MLLT3: variants seen among roughly 807,000 people sequenced by gnomAD.
The protein encoded by MLLT3 is protein AF-9.
MLLT3 carries 4 observed loss-of-function variants against 53.2 expected under a neutral mutation model. That is an observed-to-expected ratio of 0.08 (90% CI 0.04 to 0.17). The LOEUF (loss-of-function observed/expected upper bound fraction) is 0.17. MLLT3 is among the 10% of genes least tolerant of loss of function. MLLT3 has a pLI of 1.00. For missense variants in MLLT3, 569 were observed against 684.0 expected, an observed-to-expected ratio of 0.83 and a Z score of 1.87; for synonymous variants, 283 against 230.6, an observed-to-expected ratio of 1.23 and a Z score of -2.06.
intron 4 of MLLT3, among the ~76,000 whole-genome samples, chr9:20,431,121 C>T (rs768884502): frequency 6.6e-6 from 1 of 152,094 alleles, no homozygotes; most frequent in Non-Finnish European, 1.5e-5. Flanking sequence ...CTCTAAATTG[C>T]TATAACTATT....
At chr9:20,479,211 TTTGTTG>T (rs1824602107) in intron 2 of MLLT3, among the ~76,000 whole-genome samples, 2 of 152,126 alleles carry the variant, frequency 1.3e-5, no homozygotes, top group Non-Finnish European at 2.9e-5. Flanking sequence ...TGTTTTTGTT[TTTGTTG>T]TTGAGGGGGT....
intron 2 of MLLT3, among the ~76,000 whole-genome samples, chr9:20,491,265 T>C (rs766467871): frequency 4.6e-5 from 7 of 152,040 alleles, no homozygotes; most frequent in South Asian, 2.1e-4. Flanking sequence ...TTAATTCTTA[T>C]CCACAAAACC....
rs564428964 is a variant in MLLT3 at position 20,570,336 on chromosome 9, TAAAC to T, written c.193+50314_193+50317del. Among the ~76,000 whole-genome samples, 80 of 152,314 alleles carry T rather than the reference TAAAC, an allele frequency of 5.3e-4. 1 individual carries two copies. The South Asian group carries it at 5.6e-3, about 11-fold the overall frequency. On this transcript the variant is annotated intron_variant, in intron 2 of 10. Transcript: ENST00000380338. ...GTCAGCATTACTAGCATGGTAGTAA[TAAAC>T]AACAACAGCAGAGTCAAAGTACTGT...
chr9:20,376,608 A>C (rs1821771856), intron 5 of MLLT3, among the ~76,000 whole-genome samples: 1 of 152,164 alleles, frequency 6.6e-6, no homozygotes, highest in Non-Finnish European at 1.5e-5. Context: ...AGAAAATGTC[A>C]TTAGGAAATA....
Position 20,448,163 on chromosome 9 carries a change from G to A in MLLT3, c.380C>T (p.Pro127Leu), listed in dbSNP as rs1443528335. 1 of 1,613,520 alleles carries A rather than the reference G, an allele frequency of 6.2e-7. No homozygotes were observed. The highest frequency in any genetic ancestry group is 8.5e-7 in the Non-Finnish European group (1 of 1,179,728). The change falls in exon 4 of 11, where the codon CCC (proline) becomes CTC (leucine). Residue 127 changes from proline to leucine, a missense_variant. By Grantham distance (98) the Pro-to-Leu change is moderately conservative (BLOSUM62 -3). Coordinates refer to ENST00000380338, the MANE Select transcript of MLLT3 (RefSeq NM_004529.4). This position sits in a 1 kb window ranked among gnomAD's most constrained non-coding sequence, Gnocchi z 4.0. The part of the protein sequence containing the change: ...LRCEKLTFNN[P>L]TEDFRRKLLK... ...CAACTTTCTCCTAAAGTCCTCTGTGGGGTTGTTGAAAGTTAGCTTTTCACA... is the reference window on the plus strand; with the variant it reads ...CAACTTTCTCCTAAAGTCCTCTGTGAGGTTGTTGAAAGTTAGCTTTTCACA...
chr9:20,441,191 T>C (rs1235329675), intron 4 of MLLT3, among the ~76,000 whole-genome samples: 6 of 152,062 alleles, frequency 3.9e-5, no homozygotes, highest in Admixed American at 3.9e-4. Flanking sequence ...GGTAAACAGG[T>C]AGTTGGGAAG....
At chr9:20,606,355 ATGG>A (rs1227334681) in intron 2 of MLLT3, among the ~76,000 whole-genome samples, 1 of 151,914 alleles carries the variant, frequency 6.6e-6, no homozygotes, top group Non-Finnish European at 1.5e-5. Context: ...TCATGAGTGG[ATGG>A]GGGAGGAAAA....
intron 2 of MLLT3, among the ~76,000 whole-genome samples, chr9:20,520,177 AAC>A (rs1173433415): frequency 6.6e-6 from 1 of 152,134 alleles, no homozygotes; most frequent in Non-Finnish European, 1.5e-5. Context: ...AGAGGGGAAC[AAC>A]ACACACTGGG....
intron 2 of MLLT3, among the ~76,000 whole-genome samples, chr9:20,557,171 T>G (rs1819082191): frequency 6.6e-6 from 1 of 151,800 alleles, no homozygotes; most frequent in African/African-American, 2.4e-5. Flanking sequence ...ACAGACCCAG[T>G]CCTCCTCAAA....
intron 2 of MLLT3, among the ~76,000 whole-genome samples, chr9:20,515,279 T>A (rs1448936184): frequency 6.6e-6 from 1 of 152,124 alleles, no homozygotes; most frequent in Middle Eastern, 3.2e-3. Context: ...GCTCCAATTG[T>A]TTATAATAAA....
intron 9 of MLLT3, among the ~76,000 whole-genome samples, chr9:20,354,086 T>A (rs1269276177): frequency 2.0e-5 from 3 of 152,222 alleles, no homozygotes; most frequent in African/African-American, 7.2e-5. Context: ...TTGTTTTGTT[T>A]TTGTTTTAAA....
At chr9:20,536,751 T>C (rs1818497185) in intron 2 of MLLT3, among the ~76,000 whole-genome samples, 1 of 152,140 alleles carries the variant, frequency 6.6e-6, no homozygotes, top group African/African-American at 2.4e-5. Flanking sequence ...ACTGTGTGCA[T>C]CTTTTAAAAA....
At chr9:20,348,301 T>G (rs184132386) in intron 10 of MLLT3, among the ~76,000 whole-genome samples, 1 of 152,350 alleles carries the variant, frequency 6.6e-6, no homozygotes, top group African/African-American at 2.4e-5. Flanking sequence ...CCAGACCTAC[T>G]TGCAGCACTT....
At chr9:20,443,196 A>AT (rs1823597162) in intron 4 of MLLT3, among the ~76,000 whole-genome samples, 1 of 152,132 alleles carries the variant, frequency 6.6e-6, no homozygotes, top group Non-Finnish European at 1.5e-5. Flanking sequence ...CCACCATCCC[A>AT]TAAAAAACAA....
chr9:20,584,304 T>A (rs1024179371), intron 2 of MLLT3, among the ~76,000 whole-genome samples: 2 of 152,216 alleles, frequency 1.3e-5, no homozygotes, highest in African/African-American at 4.8e-5. Flanking sequence ...AACAAGTCTC[T>A]AGGAAGTTCC....
chr9:20,425,173 A>G (rs1823112119), intron 4 of MLLT3, among the ~76,000 whole-genome samples: 1 of 152,154 alleles, frequency 6.6e-6, no homozygotes, highest in South Asian at 2.1e-4. Flanking sequence ...AACATCTAGA[A>G]AGTTATAAAG....
At chr9:20,494,634 A>T (rs1825031871) in intron 2 of MLLT3, among the ~76,000 whole-genome samples, 1 of 146,104 alleles carries the variant, frequency 6.8e-6, no homozygotes, top group Non-Finnish European at 1.5e-5. Flanking sequence ...TCAGGCTGCC[A>T]CTTTAAAAGG....
chr9:20,587,264 G>T (rs1413571761), intron 2 of MLLT3, among the ~76,000 whole-genome samples: 1 of 148,398 alleles, frequency 6.7e-6, no homozygotes, highest in Non-Finnish European at 1.5e-5. Context: ...AAGACACAAA[G>T]CAGATAAAAA....
rs370875436 is a variant in MLLT3, at chr9:20,542,657, C to T, written c.193+77997G>A. On this transcript the variant is annotated intron_variant, in intron 2 of 10. Coordinates refer to ENST00000380338, the MANE Select transcript of MLLT3 (RefSeq NM_004529.4). ...TGCTGTCATCCAAGCTTTGCTCTTC[C>T]ACTTCTACACTACAAGCAGAGTAAA... Among the ~76,000 whole-genome samples, 113 of 152,182 alleles carry T rather than the reference C, an allele frequency of 7.4e-4. 4 individuals are homozygous for T. In the South Asian group the frequency reaches 0.022, roughly 30 times the overall value.
Sources: allele counts gnomAD v4.1 joint callset (sites outside exome capture counted in the v4.1 genomes callset), GRCh38; gene constraint gnomAD v4.1.1; non-coding constraint Gnocchi (gnomAD v3.1); transcripts MANE v1.5; gene names NCBI Gene and HGNC (gene_info 2026-07-23, HGNC 2026-07-21).